Variants in PTH2R observed in about 807,000 individuals in gnomAD.
The protein encoded by PTH2R is parathyroid hormone 2 receptor, also known as PTH2 receptor.
PTH2R carries 59 observed loss-of-function variants against 60.3 expected under a neutral mutation model. That is an observed-to-expected ratio of 0.98 (90% CI 0.79 to 1.22). The LOEUF is 1.22. PTH2R is among the 50% of genes most tolerant of loss of function. PTH2R has a pLI of 0.00. For synonymous variants in PTH2R, 256 were observed against 243.8 expected, an observed-to-expected ratio of 1.05 and a Z score of -0.47; for missense variants, 749 against 682.6, an observed-to-expected ratio of 1.10 and a Z score of -1.08.
intron 9 of PTH2R, 69 bp downstream of exon 9, chr2:208,460,030 G>C (rs1311198439): frequency 1.2e-5 from 16 of 1,345,888 alleles, no homozygotes; most frequent in African/African-American, 5.8e-5. Flanking sequence ...CCCAGAGAAA[G>C]TGTGTCTGTC....
intron 1 of PTH2R, among the ~76,000 whole-genome samples, chr2:208,413,141 CCACACA>C (rs5838121): frequency 4.4e-3 from 663 of 149,332 alleles, no homozygotes; most frequent in Middle Eastern, 0.021. Context: ...TAAAAAGTGA[CCACACA>C]CACACACACA....
intron 1 of PTH2R, among the ~76,000 whole-genome samples, chr2:208,397,461 G>A (rs1386169093): frequency 6.6e-6 from 1 of 152,178 alleles, no homozygotes; most frequent in Non-Finnish European, 1.5e-5. Context: ...AGGGTCCTTG[G>A]TCTTGCACCG....
intron 1 of PTH2R, among the ~76,000 whole-genome samples, chr2:208,416,288 T>TA (rs1191679710): frequency 6.6e-6 from 1 of 152,210 alleles, no homozygotes. Context: ...CATGAAAATA[T>TA]AAAGCATTTA....
chr2:208,474,310 A>G (rs918802989), intron 9 of PTH2R, among the ~76,000 whole-genome samples: 3 of 152,192 alleles, frequency 2.0e-5, no homozygotes, highest in African/African-American at 7.2e-5. Context: ...GCGTGGTAAT[A>G]GTAGAGGTGT....
chr2:208,427,209 T>C (rs1259035067), intron 1 of PTH2R, among the ~76,000 whole-genome samples: 1 of 151,750 alleles, frequency 6.6e-6, no homozygotes, highest in Non-Finnish European at 1.5e-5. Flanking sequence ...ACGGTTTAAC[T>C]GAAAAAAACA....
chr2:208,480,920 C>T, intron 9 of PTH2R, 150 bp from the exon 10 acceptor site: 1 of 571,246 alleles, frequency 1.8e-6, no homozygotes. Flanking sequence ...AATCACTAGC[C>T]TTCCAATATC....
At chr2:208,407,158 C>G in intron 1 of PTH2R, 40 bp downstream of exon 1, 1 of 1,394,880 alleles carries the variant, frequency 7.2e-7, no homozygotes, top group Non-Finnish European at 9.4e-7. Flanking sequence ...TTCGCGGAGC[C>G]TCCGGCGGGG....
chr2:208,435,906 T>A (rs907378987), intron 2 of PTH2R, among the ~76,000 whole-genome samples: 2 of 152,212 alleles, frequency 1.3e-5, no homozygotes, highest in Non-Finnish European at 2.9e-5. Flanking sequence ...AATACAGCAG[T>A]CACTGAAGGT....
intron 1 of PTH2R, among the ~76,000 whole-genome samples, chr2:208,389,352 C>A (rs1335512738): frequency 6.6e-6 from 1 of 151,316 alleles, no homozygotes; most frequent in African/African-American, 2.4e-5. Flanking sequence ...AAAATTTTTC[C>A]TTCTTATTAG....
intron 1 of PTH2R, among the ~76,000 whole-genome samples, chr2:208,366,293 T>G (rs1700592450): frequency 6.6e-6 from 1 of 152,052 alleles, no homozygotes; most frequent in Admixed American, 6.6e-5. Flanking sequence ...TTCTAGAAAT[T>G]TATCCATTTC....
chr2:208,420,044 C>T (rs1240665105), intron 1 of PTH2R, among the ~76,000 whole-genome samples: 1 of 151,756 alleles, frequency 6.6e-6, no homozygotes, highest in African/African-American at 2.4e-5. Context: ...GACAAAAAAC[C>T]AAACACCGCA....
intron 1 of PTH2R, among the ~76,000 whole-genome samples, chr2:208,374,155 A>G (rs1449832896): frequency 6.6e-6 from 1 of 152,078 alleles, no homozygotes; most frequent in Non-Finnish European, 1.5e-5. Flanking sequence ...AATTCAAAGA[A>G]CAACTGTTCT....
intron 1 of PTH2R, among the ~76,000 whole-genome samples, chr2:208,424,513 A>G (rs1046151413): frequency 1.1e-4 from 16 of 152,322 alleles, no homozygotes; most frequent in African/African-American, 3.8e-4. Context: ...AAGGCTTGAC[A>G]TAAGTTACTC....
chr2:208,455,430 C>T (rs1312066107), intron 8 of PTH2R, among the ~76,000 whole-genome samples: 1 of 152,186 alleles, frequency 6.6e-6, no homozygotes, highest in Non-Finnish European at 1.5e-5. Flanking sequence ...AATTTTGACT[C>T]ATTCATTCAA....
intron 1 of PTH2R, among the ~76,000 whole-genome samples, chr2:208,426,916 A>G (rs963824499): frequency 1.3e-5 from 2 of 152,236 alleles, no homozygotes; most frequent in Non-Finnish European, 2.9e-5. Context: ...CATTCTGATC[A>G]TACTTGCTCC....
chr2:208,441,829 A>G (rs1032488367), intron 4 of PTH2R, among the ~76,000 whole-genome samples: 2 of 152,202 alleles, frequency 1.3e-5, no homozygotes, highest in African/African-American at 4.8e-5. Flanking sequence ...TCTGGTTTTG[A>G]TATTTTAGTA....
chr2:208,433,515 A>C (rs1702014063), intron 2 of PTH2R, among the ~76,000 whole-genome samples: 1 of 152,242 alleles, frequency 6.6e-6, no homozygotes, highest in Non-Finnish European at 1.5e-5. Flanking sequence ...AATCTGTAGC[A>C]AAAAATAAAT....
intron 7 of PTH2R, among the ~76,000 whole-genome samples, chr2:208,448,730 AAAC>A: frequency 6.6e-6 from 1 of 151,246 alleles, no homozygotes; most frequent in Middle Eastern, 3.4e-3. Flanking sequence ...TTTAAATTTA[AAAC>A]AACATTTACA....
At chr2:208,429,731 C>T (rs1383876976) in intron 2 of PTH2R, among the ~76,000 whole-genome samples, 1 of 152,022 alleles carries the variant, frequency 6.6e-6, no homozygotes, top group Non-Finnish European at 1.5e-5. Flanking sequence ...AGAAATTTTC[C>T]ATCTAAATTG....
Sources: gnomAD v4.1 joint callset for allele counts (sites outside exome capture counted in the v4.1 genomes callset) on GRCh38, gnomAD v4.1.1 for gene constraint, MANE v1.5 for transcripts, NCBI Gene and HGNC (gene_info 2026-07-23, HGNC 2026-07-21) for gene names.